Variants in CLEC11A observed in about 807,000 individuals in gnomAD.
CLEC11A encodes C-type lectin domain family 11 member A.
In CLEC11A, 35 loss-of-function variants were observed where a neutral mutation model predicts 33.9. The ratio of observed to expected loss-of-function variants is 1.03; its 90% CI spans 0.79 to 1.37. The LOEUF (loss-of-function observed/expected upper bound fraction) is 1.37, where lower values mean the gene tolerates loss of function less well. Among genes scored for constraint, CLEC11A ranks in the 40% most tolerant of loss-of-function variants. The pLI is 0.00. For synonymous variants in CLEC11A, 220 were observed against 202.2 expected (o/e 1.09, Z -0.75); for missense variants, 519 against 455.5 (o/e 1.14, Z -1.27).
Position 50,725,067 on chromosome 19 carries a change from C to T in CLEC11A, c.572C>T (p.Ser191Leu). 6.6e-7 allele frequency: 1 copy of T among 1,519,406 alleles called. No individual in the cohort carries two copies. 94.1% of individuals were successfully genotyped at this position (1,519,406 alleles called of 1,614,324 possible). A position where few individuals can be genotyped will look rare whatever the true frequency, so the allele number is the denominator to read the frequency against. Residue 191 changes from serine to leucine, a missense_variant, in exon 4 of 4, where the codon TCG becomes TTG. By Grantham distance (145) the Ser-to-Leu change is moderately radical (BLOSUM62 -2). Transcript: ENST00000250340. ...CTGGGCCACAAGTGCTTCCTGCTCT[C>T]GCGCGACTTCGAAGCTCAGGCGGCG... ...LRLGHKCFLL[S>L]RDFEAQAAAQ...
At position 50,723,664 on chromosome 19, in the gene CLEC11A, A is replaced by G. The variant is rs1040096470; in HGVS notation, c.139A>G (p.Met47Val). The G allele has an allele frequency of 1.9e-6, 3 of 1,585,580 alleles. No individual in the cohort carries two copies. In the East Asian group the frequency reaches 6.7e-5, roughly 35 times the overall value. ...QEEEREREALMLKHLQEALGL... is the reference protein window; with the variant it reads ...QEEEREREALVLKHLQEALGL... ...GGAGGAGCGGGAGAGGGAGGCCCTG[A>G]TGCTGAAGGTGAGCTCTGGAGTGTC... Residue 47 changes from methionine (M) to valine (V), a missense_variant, in exon 1 of 4, where the codon ATG (methionine) becomes GTG (valine). Transcript: ENST00000250340. The surrounding 1 kb of genome is among the most constrained non-coding windows in gnomAD (Gnocchi z 4.1).
At position 50,724,145 on chromosome 19, in the gene CLEC11A, C is replaced by T; in HGVS notation, c.334+54C>T. ...ACTCCTAGGCCGCCGCGGTCACTTT[C>T]GCAAAAATGAAGGGTCGGTTCACTG... On this transcript the variant is annotated intron_variant, in intron 2 of 3. Transcript: ENST00000250340. This position sits in a 1 kb window ranked among gnomAD's most constrained non-coding sequence, Gnocchi z 4.1. The T allele has an allele frequency of 6.2e-7, 1 of 1,601,556 alleles. No homozygotes were observed.
At position 50,724,595 on chromosome 19, in the gene CLEC11A, T is replaced by G; in HGVS notation, c.520T>G (p.Leu174Val). The change falls in exon 3 of 4, where the codon TTG (leucine) becomes GTG (valine). Residue 174 changes from leucine to valine, a missense_variant. Leu to Val is a conservative substitution (Grantham distance 32). Coordinates refer to ENST00000250340, the MANE Select transcript of CLEC11A (RefSeq NM_002975.3). The surrounding 1 kb of genome is among the most constrained non-coding windows in gnomAD (Gnocchi z 4.1). ...TCGCGCCGAGCGCGAGCACGGCCGC[T>G]TGGAGGGTGAGTCCGCGGCGCGCGG... is the stretch of plus-strand genomic sequence containing the variant. ...QGRAEREHGR[L>V]EGCLKGLRLG... 3 of 1,409,816 alleles carry G rather than the reference T, an allele frequency of 2.1e-6. No individual in the cohort carries two copies. Among genetic ancestry groups the G allele is most frequent in the Non-Finnish European group, 2.8e-6 (3 of 1,086,042 alleles). The allele number at this position is 1,409,816 out of a possible 1,614,324, so 87.3% of individuals were successfully genotyped here.
In CLEC11A at chr19:50,723,700, G is replaced by A; in HGVS notation, c.147+28G>A. The A allele has an allele frequency of 6.4e-7, 1 of 1,554,508 alleles. No individual in the cohort carries two copies. The highest frequency in any genetic ancestry group is 8.7e-7 in the Non-Finnish European group (1 of 1,152,558). ...GAGCTCTGGAGTGTCAGGGAGCTAT[G>A]GGTGGTGAACTGTGGGTCTGGGAGG... is the stretch of plus-strand genomic sequence containing the variant. On this transcript the variant is annotated intron_variant, in intron 1 of 3. Transcript: ENST00000250340. The surrounding 1 kb of genome is among the most constrained non-coding windows in gnomAD (Gnocchi z 4.1).
rs771970804 is a variant in CLEC11A, at chr19:50,724,060, TC to T, written c.306del (p.Thr103ProfsTer37). 4 of 1,494,638 alleles carry T rather than the reference TC, an allele frequency of 2.7e-6. No homozygotes were observed. The highest frequency in any genetic ancestry group is 3.7e-6 in the Non-Finnish European group (4 of 1,076,208). 92.6% of individuals were successfully genotyped at this position (1,494,638 alleles called of 1,614,324 possible). On this transcript the variant is annotated frameshift_variant, in exon 2 of 4. Transcript: ENST00000250340. LOFTEE classifies it high-confidence loss of function. This position sits in a 1 kb window ranked among gnomAD's most constrained non-coding sequence, Gnocchi z 4.1. ...CCCCATCCTCCGGCCCCAGCCCCTC[TC>T]CCACCCCTGAGGACATCGTCACTTA... ...PTPSSGPSPSPTPEDIVTYIL... is the reference protein window; with the variant it reads ...PTPSSGPSPSXTPEDIVTYIL...
Position 50,725,068 on chromosome 19 carries a change from G to T in CLEC11A, c.573G>T (p.Ser191=). ...TGGGCCACAAGTGCTTCCTGCTCTC[G>T]CGCGACTTCGAAGCTCAGGCGGCGG... The part of the protein sequence containing the change: ...LRLGHKCFLL[S]RDFEAQAAAQ... Residue 191 remains serine (S), a synonymous_variant, in exon 4 of 4, where the codon TCG becomes TCT. Transcript: ENST00000250340. 6.6e-7 allele frequency: 1 copy of T among 1,519,370 alleles called. No individual in the cohort carries two copies. The allele number at this position is 1,519,370 out of a possible 1,614,324, so 94.1% of individuals were successfully genotyped here.
Position 50,724,720 on chromosome 19 carries a change from T to A in CLEC11A, c.526+119T>A. Reference sequence around the variant, plus strand: ...AGAGTTCGGGAGAGCTGCTGTGTGCTAGCGGACGGGGTTAGAGAGCTGGGA... The same window carrying A: ...AGAGTTCGGGAGAGCTGCTGTGTGCAAGCGGACGGGGTTAGAGAGCTGGGA... On this transcript the variant is annotated intron_variant, in intron 3 of 3. Coordinates refer to ENST00000250340, the MANE Select transcript of CLEC11A (RefSeq NM_002975.3). The surrounding 1 kb of genome is among the most constrained non-coding windows in gnomAD (Gnocchi z 4.1). 1 of 1,210,346 alleles carries A rather than the reference T, an allele frequency of 8.3e-7. No homozygotes were observed. The highest frequency in any genetic ancestry group is 1.1e-6 in the Non-Finnish European group (1 of 921,450). 75.0% of individuals were successfully genotyped at this position (1,210,346 alleles called of 1,614,324 possible).
Position 50,724,829 on chromosome 19 carries a change from C to T in CLEC11A, c.527-193C>T. ...ACCACGCCCCCTACAGTCCAGCTCC[C>T]ACCGCCTGGCCCCGCCCCTGGCGGA... On this transcript the variant is annotated intron_variant, in intron 3 of 3. Coordinates refer to ENST00000250340, the MANE Select transcript of CLEC11A (RefSeq NM_002975.3). The surrounding 1 kb of genome is among the most constrained non-coding windows in gnomAD (Gnocchi z 4.1). 2.2e-6 allele frequency: 3 copies of T among 1,370,394 alleles called. No homozygotes were observed. Among genetic ancestry groups the T allele is most frequent in the Non-Finnish European group, 2.8e-6 (3 of 1,057,612 alleles). The allele number at this position is 1,370,394 out of a possible 1,614,324, so 84.9% of individuals were successfully genotyped here. A position where few individuals can be genotyped will look rare whatever the true frequency, so the allele number is the denominator to read the frequency against.
rs1171066376 is a variant in CLEC11A, at chr19:50,725,357, C to T, written c.862C>T (p.Pro288Ser). 6.2e-7 allele frequency: 1 copy of T among 1,612,288 alleles called. No individual in the cohort carries two copies. The highest frequency in any genetic ancestry group is 8.5e-7 in the Non-Finnish European group (1 of 1,179,550). ...ASPHPLSPDQPNGGTLENCVA... is the reference protein window; with the variant it reads ...ASPHPLSPDQSNGGTLENCVA... ...GCCGCATCCGCTCAGCCCGGACCAG[C>T]CCAACGGTGGCACGCTCGAGAACTG... The change falls in exon 4 of 4, where the codon CCC (proline) becomes TCC (serine). Residue 288 changes from proline (P) to serine (S), a missense_variant. Coordinates refer to ENST00000250340, the MANE Select transcript of CLEC11A (RefSeq NM_002975.3).
chr19:50,724,853 G>T lies in CLEC11A; in HGVS notation c.527-169G>T. 7.2e-7 allele frequency: 1 copy of T among 1,397,014 alleles called. No individual in the cohort carries two copies. Among genetic ancestry groups the T allele is most frequent in the South Asian group, 1.6e-5 (1 of 63,040 alleles). The allele number at this position is 1,397,014 out of a possible 1,614,324, so 86.5% of individuals were successfully genotyped here. On this transcript the variant is annotated intron_variant, in intron 3 of 3. Coordinates refer to ENST00000250340, the MANE Select transcript of CLEC11A (RefSeq NM_002975.3). The surrounding 1 kb of genome is among the most constrained non-coding windows in gnomAD (Gnocchi z 4.1). ...CCACCGCCTGGCCCCGCCCCTGGCGGACCAGACTCTCCACCTCCTGGCTCC... is the reference window on the plus strand; with the variant it reads ...CCACCGCCTGGCCCCGCCCCTGGCGTACCAGACTCTCCACCTCCTGGCTCC...
chr19:50,725,340 C>T lies in CLEC11A; in HGVS notation c.845C>T (p.Pro282Leu), dbSNP rs748284040. ...GCCCAGCCCAGCGCCTCGCCGCATC[C>T]GCTCAGCCCGGACCAGCCCAACGGT... ...LGAQPSASPH[P>L]LSPDQPNGGT... The change falls in exon 4 of 4, where the codon CCG becomes CTG. Residue 282 changes from proline (P) to leucine (L), a missense_variant. By Grantham distance (98) the Pro-to-Leu change is moderately conservative. Transcript: ENST00000250340. The T allele has an allele frequency of 9.3e-6, 15 of 1,612,026 alleles. No homozygotes were observed. Among genetic ancestry groups the T allele is most frequent in the Non-Finnish European group, 1.1e-5 (13 of 1,179,462 alleles).
In CLEC11A at chr19:50,724,553, C is replaced by T; in HGVS notation, c.478C>T (p.Leu160=). Residue 160 remains leucine, a synonymous_variant, in exon 3 of 4, where the codon CTG becomes TTG. Transcript: ENST00000250340. The surrounding 1 kb of genome is among the most constrained non-coding windows in gnomAD (Gnocchi z 4.1). Reference sequence around the variant, plus strand: ...CGACACCCGCGATGCCGTGCAAGCCCTGCAGGAGGCGCAGGGTCGCGCCGA... The same window carrying T: ...CGACACCCGCGATGCCGTGCAAGCCTTGCAGGAGGCGCAGGGTCGCGCCGA... ...AGDTRDAVQA[L]QEAQGRAERE... 4 of 1,505,716 alleles carry T rather than the reference C, an allele frequency of 2.7e-6. No individual in the cohort carries two copies. The highest frequency in any genetic ancestry group is 3.5e-6 in the Non-Finnish European group (4 of 1,131,400). 93.3% of individuals were successfully genotyped at this position (1,505,716 alleles called of 1,614,324 possible). A position where few individuals can be genotyped will look rare whatever the true frequency, so the allele number is the denominator to read the frequency against.
At position 50,725,040 on chromosome 19, in the gene CLEC11A, G is replaced by T; in HGVS notation, c.545G>T (p.Arg182Leu). 1 of 1,500,692 alleles carries T rather than the reference G, an allele frequency of 6.7e-7. No homozygotes were observed. Among genetic ancestry groups the T allele is most frequent in the Non-Finnish European group, 8.9e-7 (1 of 1,128,108 alleles). 93.0% of individuals were successfully genotyped at this position (1,500,692 alleles called of 1,614,324 possible). The change falls in exon 4 of 4, where the codon CGC (arginine) becomes CTC (leucine). Residue 182 changes from arginine to leucine, a missense_variant. Physicochemically the swap from Arg to Leu is moderately radical, Grantham distance 102. Transcript: ENST00000250340. Reference sequence around the variant, plus strand: ...CCCACAGGCTGCCTGAAGGGGCTGCGCCTGGGCCACAAGTGCTTCCTGCTC... The same window carrying T: ...CCCACAGGCTGCCTGAAGGGGCTGCTCCTGGGCCACAAGTGCTTCCTGCTC... ...GRLEGCLKGL[R>L]LGHKCFLLSR...
Position 50,725,121 on chromosome 19 carries a change from G to C in CLEC11A, c.626G>C (p.Gly209Ala). The C allele has an allele frequency of 6.5e-7, 1 of 1,542,522 alleles. No homozygotes were observed. Among genetic ancestry groups the C allele is most frequent in the Non-Finnish European group, 8.7e-7 (1 of 1,145,040 alleles). The change falls in exon 4 of 4, where the codon GGG (glycine) becomes GCG (alanine). Residue 209 changes from glycine to alanine, a missense_variant. Physicochemically the swap from Gly to Ala is moderately conservative, Grantham distance 60 (BLOSUM62 0). Transcript: ENST00000250340. ...CAGGCGCGGTGCACGGCGCGGGGCG[G>C]GAGCCTGGCGCAGCCGGCAGACCGC... ...AAQARCTARG[G>A]SLAQPADRQQ...
chr19:50,725,590 C>A lies in CLEC11A; in HGVS notation c.*123C>A, dbSNP rs2089181506. The A allele has an allele frequency of 7.0e-7, 1 of 1,438,426 alleles. No individual in the cohort carries two copies. Among genetic ancestry groups the A allele is most frequent in the South Asian group, 1.5e-5 (1 of 67,384 alleles). 89.1% of individuals were successfully genotyped at this position (1,438,426 alleles called of 1,614,324 possible). A position where few individuals can be genotyped will look rare whatever the true frequency, so the allele number is the denominator to read the frequency against. ...GAATGGCAGCGTCCTCCCCGACCCC[C>A]AGTCTGGGCGCTTCTGGGAGGGCTC... On this transcript the variant is annotated 3_prime_UTR_variant, in exon 4 of 4. Coordinates refer to ENST00000250340, the MANE Select transcript of CLEC11A (RefSeq NM_002975.3).
Position 50,723,702 on chromosome 19 carries a change from G to A in CLEC11A, c.147+30G>A, listed in dbSNP as rs184284133. ...GCTCTGGAGTGTCAGGGAGCTATGG[G>A]TGGTGAACTGTGGGTCTGGGAGGGG... On this transcript the variant is annotated intron_variant, in intron 1 of 3. Coordinates refer to ENST00000250340, the MANE Select transcript of CLEC11A (RefSeq NM_002975.3). The surrounding 1 kb of genome is among the most constrained non-coding windows in gnomAD (Gnocchi z 4.1). 400 of 1,545,464 alleles carry A rather than the reference G, an allele frequency of 2.6e-4. 6 individuals carry two copies. In the Admixed American group the frequency reaches 7.6e-3, roughly 29 times the overall value.
chr19:50,725,521 C>G lies in CLEC11A; in HGVS notation c.*54C>G. 2 of 1,481,458 alleles carry G rather than the reference C, an allele frequency of 1.4e-6. No individual in the cohort carries two copies. The highest frequency in any genetic ancestry group is 1.4e-5 in the South Asian group (1 of 73,560). 91.8% of individuals were successfully genotyped at this position (1,481,458 alleles called of 1,614,324 possible). Reference sequence around the variant, plus strand: ...TCCCACCACCCGGCCTTTCCCTGCGCCGTGCCCACCCTCCTCCGGAATCTC... The same window carrying G: ...TCCCACCACCCGGCCTTTCCCTGCGGCGTGCCCACCCTCCTCCGGAATCTC... On this transcript the variant is annotated 3_prime_UTR_variant, in exon 4 of 4. Transcript: ENST00000250340.
chr19:50,725,592 G>T lies in CLEC11A; in HGVS notation c.*125G>T. 1 of 1,438,886 alleles carries T rather than the reference G, an allele frequency of 6.9e-7. No homozygotes were observed. The highest frequency in any genetic ancestry group is 9.2e-7 in the Non-Finnish European group (1 of 1,092,548). 89.1% of individuals were successfully genotyped at this position (1,438,886 alleles called of 1,614,324 possible). On this transcript the variant is annotated 3_prime_UTR_variant, in exon 4 of 4. Transcript: ENST00000250340. The stretch of plus-strand genomic sequence containing the variant: ...ATGGCAGCGTCCTCCCCGACCCCCA[G>T]TCTGGGCGCTTCTGGGAGGGCTCTT...
rs2089168338 is a variant in CLEC11A at position 50,724,574 on chromosome 19, G to T, written c.499G>T (p.Ala167Ser). 6.9e-7 allele frequency: 1 copy of T among 1,445,802 alleles called. No individual in the cohort carries two copies. Among genetic ancestry groups the T allele is most frequent in the Non-Finnish European group, 9.1e-7 (1 of 1,104,740 alleles). The allele number at this position is 1,445,802 out of a possible 1,614,324, so 89.6% of individuals were successfully genotyped here. The change falls in exon 3 of 4, where the codon GCC becomes TCC. Residue 167 changes from alanine (A) to serine (S), a missense_variant. Transcript: ENST00000250340. The surrounding 1 kb of genome is among the most constrained non-coding windows in gnomAD (Gnocchi z 4.1). ...VQALQEAQGR[A>S]EREHGRLEGC... ...AGCCCTGCAGGAGGCGCAGGGTCGC[G>T]CCGAGCGCGAGCACGGCCGCTTGGA...
Sources: gnomAD v4.1 joint callset for allele counts on GRCh38, gnomAD v4.1.1 for gene constraint, Gnocchi (gnomAD v3.1) non-coding constraint, MANE v1.5 for transcripts, NCBI Gene and HGNC (gene_info 2026-07-23, HGNC 2026-07-21) for gene names.